The following GKAP1 variants were observed in gnomAD, a reference collection of about 807,000 sequenced individuals.
GKAP1 encodes G kinase anchoring protein 1.
Under a neutral mutation model 56.7 loss-of-function variants are expected in GKAP1, and 31 were observed. That is an observed-to-expected ratio of 0.55 (90% CI 0.41 to 0.74). The LOEUF is 0.74. GKAP1 is among the 30% of genes least tolerant of loss of function. The pLI, the probability that GKAP1 is intolerant of heterozygous loss-of-function variation, is 0.00. For synonymous variants in GKAP1, 151 were observed against 138.6 expected (o/e 1.09, Z -0.63); for missense variants, 364 against 402.3 (o/e 0.90, Z 0.82).
intron 5 of GKAP1, among the ~76,000 whole-genome samples, chr9:83,786,894 A>G (rs1412308824): frequency 1.3e-5 from 2 of 152,228 alleles, no homozygotes; most frequent in Admixed American, 1.3e-4. Context: ...TTTAGAATCT[A>G]GACATATATC....
At chr9:83,795,766 G>A (rs1052830508) in intron 4 of GKAP1, among the ~76,000 whole-genome samples, 1 of 151,932 alleles carries the variant, frequency 6.6e-6, no homozygotes, top group Non-Finnish European at 1.5e-5. Flanking sequence ...TGCCTAGGCT[G>A]GTCTCGCAAA....
At chr9:83,811,781 C>A (rs1268743549) in intron 2 of GKAP1, among the ~76,000 whole-genome samples, 6 of 151,720 alleles carry the variant, frequency 4.0e-5, no homozygotes, top group African/African-American at 1.5e-4. Context: ...CTTTACATAA[C>A]AGTAAATATT....
At chr9:83,810,085 T>C (rs1303203032) in intron 2 of GKAP1, among the ~76,000 whole-genome samples, 8 of 152,246 alleles carry the variant, frequency 5.3e-5, no homozygotes, top group Non-Finnish European at 8.8e-5. Context: ...GTGCTGGGAT[T>C]ACAGGCATGA....
At chr9:83,793,284 G>A (rs1028669161) in intron 4 of GKAP1, among the ~76,000 whole-genome samples, 12 of 152,266 alleles carry the variant, frequency 7.9e-5, no homozygotes, top group African/African-American at 7.2e-5. Context: ...CCATTCTGAA[G>A]ACATCTAACA....
chr9:83,767,450 C>G (rs1943682991), intron 8 of GKAP1, among the ~76,000 whole-genome samples: 1 of 151,602 alleles, frequency 6.6e-6, no homozygotes, highest in African/African-American at 2.4e-5. Context: ...ATCTCTGACT[C>G]CTGGGTTCAA....
At chr9:83,749,290 G>A (rs959907165) in intron 9 of GKAP1, 2 of 148,016 alleles carry the variant, frequency 1.4e-5, no homozygotes, top group Non-Finnish European at 3.0e-5. Context: ...GCAGTAGCAC[G>A]ATCTCGGCTT....
At chr9:83,764,914 T>C (rs373640613) in intron 8 of GKAP1, among the ~76,000 whole-genome samples, 1 of 152,122 alleles carries the variant, frequency 6.6e-6, no homozygotes, top group African/African-American at 2.4e-5. Flanking sequence ...GACAATGCAG[T>C]AGAAAAGAAA....
intron 8 of GKAP1, among the ~76,000 whole-genome samples, chr9:83,753,872 G>A (rs1943433855): frequency 1.3e-5 from 2 of 151,978 alleles, no homozygotes; most frequent in African/African-American, 2.4e-5. Context: ...ATAAAATCTC[G>A]AAAATGACAC....
At position 83,768,622 on chromosome 9, in the gene GKAP1, T is replaced by C. The variant is rs553934460; in HGVS notation, c.738+196A>G. ...CACATGCTCAGCAAATAGTCATCAA[T>C]GAATGAACTAGTCATACAGTATGAG... On this transcript the variant is annotated intron_variant, in intron 8 of 12. Coordinates refer to ENST00000376371, the MANE Select transcript of GKAP1 (RefSeq NM_025211.4). 7.1e-4 allele frequency among the ~76,000 whole-genome samples: 108 copies of C among 152,328 alleles called. 1 individual carries two copies. Among genetic ancestry groups the C allele is most frequent in the Admixed American group, 1.9e-3 (29 of 15,292 alleles).
rs1564215672 is a variant in GKAP1, at chr9:83,806,316, T to A, written c.202A>T (p.Ser68Cys). The A allele has an allele frequency of 6.5e-7, 1 of 1,548,820 alleles. No individual in the cohort carries two copies. The highest frequency in any genetic ancestry group is 8.7e-7 in the Non-Finnish European group (1 of 1,145,308). Reference sequence around the variant, plus strand: ...AATTGTGTTACCTCATTTGCTTCACTCTGTTGCTGTTCCTTCTTTTTTCTT... The same window carrying A: ...AATTGTGTTACCTCATTTGCTTCACACTGTTGCTGTTCCTTCTTTTTTCTT... ...KRRKKKEQQQ[S>C]EANELRNLAF... The change falls in exon 3 of 13, where the codon AGT becomes TGT. Residue 68 changes from serine to cysteine, a missense_variant. Ser to Cys is a moderately radical substitution (Grantham distance 112, BLOSUM62 -1). Coordinates refer to ENST00000376371, the MANE Select transcript of GKAP1 (RefSeq NM_025211.4).
At position 83,748,387 on chromosome 9, in the gene GKAP1, A is replaced by G. The variant is rs780663377; in HGVS notation, c.841-15T>C. 1 of 1,451,094 alleles carries G rather than the reference A, an allele frequency of 6.9e-7. No homozygotes were observed. Among genetic ancestry groups the G allele is most frequent in the South Asian group, 1.3e-5 (1 of 79,828 alleles). The allele number at this position is 1,451,094 out of a possible 1,614,324, so 89.9% of individuals were successfully genotyped here. ...TTATACTTTGCCTAATAGTCAAAGA[A>G]AAAAGATTTAGTTTTTTTAAAAGTA... On this transcript the variant is annotated splice_polypyrimidine_tract_variant and intron_variant, in intron 9 of 12. Transcript: ENST00000376371.
rs552332182 is a variant in GKAP1 at position 83,803,444 on chromosome 9, G to A, written c.216+2858C>T. On this transcript the variant is annotated intron_variant, in intron 3 of 12. Transcript: ENST00000376371. ...GTTTTCGTACTTTTTTGGTGGAGAC[G>A]GGGTTTCGCTGTGTTGGCCGGGCTG... Among the ~76,000 whole-genome samples the A allele has an allele frequency of 3.8e-3, 580 of 152,060 alleles. 9 individuals carry two copies. The highest frequency in any genetic ancestry group is 0.013 in the African/African-American group (543 of 41,480).
chr9:83,802,671 A>C (rs1477006710), intron 3 of GKAP1, among the ~76,000 whole-genome samples: 2 of 151,622 alleles, frequency 1.3e-5, no homozygotes, highest in African/African-American at 4.8e-5. Flanking sequence ...TCTACAAAAA[A>C]ACAAAATTAG....
intron 4 of GKAP1, among the ~76,000 whole-genome samples, chr9:83,793,677 T>A (rs931923957): frequency 6.6e-6 from 1 of 152,096 alleles, no homozygotes; most frequent in African/African-American, 2.4e-5. Flanking sequence ...ATGCAACTTA[T>A]AAAAACACAA....
chr9:83,785,925 C>A (rs12378956), intron 5 of GKAP1, among the ~76,000 whole-genome samples: 7,128 of 152,216 alleles, frequency 0.047, 362 homozygotes, highest in East Asian at 0.27. Flanking sequence ...AGTTCTAGGT[C>A]CTTAAATGAC....
At position 83,763,919 on chromosome 9, in the gene GKAP1, T is replaced by C. The variant is rs541733499; in HGVS notation, c.738+4899A>G. On this transcript the variant is annotated intron_variant, in intron 8 of 12. Transcript: ENST00000376371. Reference sequence around the variant, plus strand: ...CAAACTATCACTTCGGTTTAAATCATACTGCTACTTAATTATTTAAACTTG... The same window carrying C: ...CAAACTATCACTTCGGTTTAAATCACACTGCTACTTAATTATTTAAACTTG... 1.6e-4 allele frequency among the ~76,000 whole-genome samples: 25 copies of C among 152,326 alleles called. No homozygotes were observed. In the South Asian group the frequency reaches 5.2e-3, roughly 32 times the overall value.
intron 10 of GKAP1, among the ~76,000 whole-genome samples, chr9:83,747,719 C>G (rs1943318222): frequency 1.3e-5 from 2 of 151,958 alleles, no homozygotes; most frequent in South Asian, 4.1e-4. Flanking sequence ...TCACTGCAAC[C>G]TCTGCCTCCT....
chr9:83,809,126 T>C (rs189631242), intron 2 of GKAP1, among the ~76,000 whole-genome samples: 2 of 152,352 alleles, frequency 1.3e-5, no homozygotes. Flanking sequence ...AGGACTGATA[T>C]GAAAACTGTG....
chr9:83,809,981 C>A (rs1312311839), intron 2 of GKAP1, among the ~76,000 whole-genome samples: 2 of 151,928 alleles, frequency 1.3e-5, no homozygotes, highest in Non-Finnish European at 1.5e-5. Flanking sequence ...CTAATTTTTT[C>A]TATTTTTTTT....
Sources: gnomAD v4.1 joint callset for allele counts (sites outside exome capture counted in the v4.1 genomes callset) on GRCh38, gnomAD v4.1.1 for gene constraint, MANE v1.5 for transcripts, NCBI Gene and HGNC (gene_info 2026-07-23, HGNC 2026-07-21) for gene names.